Variants in MITF observed in about 807,000 individuals in gnomAD.
MITF encodes melanocyte inducing transcription factor.
Under a neutral mutation model 60.5 loss-of-function variants are expected in MITF, and 17 were observed. The ratio of observed to expected loss-of-function variants is 0.28; its 90% CI spans 0.19 to 0.42. The LOEUF (loss-of-function observed/expected upper bound fraction) is 0.42, where lower values mean the gene tolerates loss of function less well. Ranked by LOEUF, MITF falls within the 10% of genes least tolerant of loss-of-function variation. The pLI, the probability that MITF is intolerant of heterozygous loss-of-function variation, is 1.00. For missense variants in MITF, 622 were observed against 683.5 expected, an observed-to-expected ratio of 0.91 and a Z score of 1.00; for synonymous variants, 260 against 248.5, an observed-to-expected ratio of 1.05 and a Z score of -0.43.
At chr3:69,894,691 A>T (rs1227037326) in intron 2 of MITF, among the ~76,000 whole-genome samples, 1 of 150,940 alleles carries the variant, frequency 6.6e-6, no homozygotes, top group East Asian at 1.9e-4. Context: ...AAAAAAAAAG[A>T]CTACTGTGCT....
At chr3:69,941,150 G>GT (rs2107490156) in intron 4 of MITF, 86 bp from the exon 5 acceptor site, 1 of 838,694 alleles carries the variant, frequency 1.2e-6, no homozygotes, top group Admixed American at 2.1e-5. Context: ...ATTGCTTTGG[G>GT]TAAAAAAAGA....
chr3:69,916,476 A>G (rs2065337764), intron 2 of MITF, among the ~76,000 whole-genome samples: 1 of 152,198 alleles, frequency 6.6e-6, no homozygotes, highest in South Asian at 2.1e-4. Context: ...ACTTAAACAC[A>G]AACACAGTCC....
chr3:69,859,799 A>C (rs982843994), intron 1 of MITF, among the ~76,000 whole-genome samples: 1 of 152,178 alleles, frequency 6.6e-6, no homozygotes, highest in African/African-American at 2.4e-5. Flanking sequence ...TACTAACAGT[A>C]AAATATATGT....
intron 9 of MITF, among the ~76,000 whole-genome samples, chr3:69,961,362 A>G (rs2066540815): frequency 6.6e-6 from 1 of 151,186 alleles, no homozygotes; most frequent in African/African-American, 2.4e-5. Context: ...AGCCTAGGCG[A>G]CAGAGTGAGA....
chr3:69,822,678 C>G (rs887815758), intron 1 of MITF, among the ~76,000 whole-genome samples: 6 of 152,178 alleles, frequency 3.9e-5, no homozygotes, highest in Non-Finnish European at 7.4e-5. Flanking sequence ...TGTGCTTCCC[C>G]CCTTGAACTG....
chr3:69,902,198 A>G (rs542681296), intron 2 of MITF, among the ~76,000 whole-genome samples: 1 of 152,220 alleles, frequency 6.6e-6, no homozygotes, highest in South Asian at 2.1e-4. Context: ...ATATTATGTA[A>G]TTATCCTTTG....
chr3:69,866,273 C>A, intron 1 of MITF: 1 of 1,612,966 alleles, frequency 6.2e-7, no homozygotes, highest in Non-Finnish European at 8.5e-7. Context: ...GCTTGCAGAA[C>A]ACCTTAAAGG....
intron 1 of MITF, among the ~76,000 whole-genome samples, chr3:69,847,029 C>T (rs2063744450): frequency 6.6e-6 from 1 of 152,024 alleles, no homozygotes; most frequent in East Asian, 1.9e-4. Context: ...AGGAAAGGGA[C>T]CTGGGATTCT....
At chr3:69,796,504 T>TTTTTTTTTTTTTTTTTTTTTC (rs2062831557) in intron 1 of MITF, among the ~76,000 whole-genome samples, 1 of 118,482 alleles carries the variant, frequency 8.4e-6, no homozygotes, top group Non-Finnish European at 1.9e-5. Flanking sequence ...CTTTTTTTTT[T>TTTTTTTTTTTTTTTTTTTTTC]TTTTTTTTTT....
At chr3:69,948,685 T>C (rs1690265008) in intron 5 of MITF, among the ~76,000 whole-genome samples, 2 of 152,180 alleles carry the variant, frequency 1.3e-5, no homozygotes, top group Middle Eastern at 3.2e-3. Flanking sequence ...CAATCCTGTT[T>C]TACAATAATA....
intron 1 of MITF, among the ~76,000 whole-genome samples, chr3:69,786,849 T>C (rs1300968376): frequency 6.6e-6 from 1 of 152,202 alleles, no homozygotes; most frequent in Non-Finnish European, 1.5e-5. Flanking sequence ...AAAGGAGATT[T>C]ATTCATTCAT....
At chr3:69,794,121 C>A (rs2062789581) in intron 1 of MITF, among the ~76,000 whole-genome samples, 1 of 152,168 alleles carries the variant, frequency 6.6e-6, no homozygotes, top group Non-Finnish European at 1.5e-5. Flanking sequence ...TACAGAGTCT[C>A]CCCCAACTTC....
intron 2 of MITF, among the ~76,000 whole-genome samples, chr3:69,891,918 T>C (rs2064768681): frequency 6.6e-6 from 1 of 152,184 alleles, no homozygotes; most frequent in Admixed American, 6.5e-5. Context: ...TAAAAATAGG[T>C]TAATTCTGTC....
intron 1 of MITF, among the ~76,000 whole-genome samples, chr3:69,834,363 A>C (rs2063504979): frequency 6.6e-6 from 1 of 151,984 alleles, no homozygotes; most frequent in Non-Finnish European, 1.5e-5. Context: ...TCTGTTTTCT[A>C]CTTTTATGAT....
At chr3:69,911,463 C>A (rs1398438642) in intron 2 of MITF, among the ~76,000 whole-genome samples, 1 of 152,084 alleles carries the variant, frequency 6.6e-6, no homozygotes, top group Non-Finnish European at 1.5e-5. Context: ...CCACTGTGTG[C>A]AATTCCTGTT....
chr3:69,763,929 C>G (rs751916012), intron 1 of MITF: 22 of 1,366,058 alleles, frequency 1.6e-5, no homozygotes, highest in Non-Finnish European at 2.2e-5. Context: ...GACTCTGTGC[C>G]TGTTTTCAAG....
intron 2 of MITF, among the ~76,000 whole-genome samples, chr3:69,880,657 G>C (rs1191678968): frequency 6.6e-6 from 1 of 151,866 alleles, no homozygotes; most frequent in Admixed American, 6.5e-5. Flanking sequence ...TGTTCTGCTT[G>C]GGTGAAAATT....
chr3:69,775,849 A>C (rs886966662), intron 1 of MITF, among the ~76,000 whole-genome samples: 2 of 152,178 alleles, frequency 1.3e-5, no homozygotes, highest in Non-Finnish European at 2.9e-5. Flanking sequence ...GGAACAGTGG[A>C]CTTTCTTTAT....
At chr3:69,835,118 A>T in intron 1 of MITF, among the ~76,000 whole-genome samples, 1 of 145,086 alleles carries the variant, frequency 6.9e-6, no homozygotes, top group Admixed American at 7.3e-5. Context: ...TCTTGCCTCA[A>T]GCCATCATCC....
Sources: allele counts gnomAD v4.1 joint callset (sites outside exome capture counted in the v4.1 genomes callset), GRCh38; gene constraint gnomAD v4.1.1; transcripts MANE v1.5; gene names NCBI Gene and HGNC (gene_info 2026-07-23, HGNC 2026-07-21).